Variants in RAD51B observed in about 807,000 individuals in gnomAD.
RAD51B encodes DNA repair protein RAD51 homolog 2.
A neutral mutation model predicts 42.2 loss-of-function variants in RAD51B; 38 were observed. The ratio of observed to expected loss-of-function variants is 0.90; its 90% CI spans 0.70 to 1.18. The LOEUF (loss-of-function observed/expected upper bound fraction) is 1.18, where lower values mean the gene tolerates loss of function less well. RAD51B is among the 50% of genes most tolerant of loss of function. The pLI, the probability that RAD51B is intolerant of heterozygous loss-of-function variation, is 0.00. For missense variants in RAD51B, 373 were observed against 400.7 expected, an observed-to-expected ratio of 0.93 and a Z score of 0.59; for synonymous variants, 154 against 145.2, an observed-to-expected ratio of 1.06 and a Z score of -0.43.
chr14:67,891,092 T>C lies in RAD51B; in HGVS notation c.756+3888T>C, dbSNP rs372357385. ...GAATTCAACAAATCAATTTCAGTTG[T>C]TATATGAATAATATTGAACTTTTTT... On this transcript the variant is annotated intron_variant, in intron 7 of 10. Coordinates refer to ENST00000471583, the MANE Select transcript of RAD51B (RefSeq NM_133510.4). Among the ~76,000 whole-genome samples the C allele has an allele frequency of 4.0e-4, 61 of 152,280 alleles. No homozygotes were observed. The East Asian group carries it at 8.3e-3, about 21-fold the overall frequency.
chr14:68,509,941 G>T (rs1477369336), intron 10 of RAD51B, among the ~76,000 whole-genome samples: 1 of 152,224 alleles, frequency 6.6e-6, no homozygotes, highest in Non-Finnish European at 1.5e-5. Flanking sequence ...ATTTGTTGAA[G>T]ATAGGTGAGT....
At chr14:68,563,600 T>C in intron 10 of RAD51B, 2 of 985,490 alleles carry the variant, frequency 2.0e-6, no homozygotes. Context: ...TGTGGTTTCC[T>C]GACAGCTGCC....
intron 8 of RAD51B, among the ~76,000 whole-genome samples, chr14:68,301,620 A>G (rs1465792221): frequency 9.2e-6 from 1 of 108,200 alleles, no homozygotes; most frequent in Non-Finnish European, 1.9e-5. Context: ...TTTTTGAGAC[A>G]TACTTTTACT....
intron 10 of RAD51B, among the ~76,000 whole-genome samples, chr14:68,641,479 A>G (rs1892458928): frequency 6.8e-6 from 1 of 146,284 alleles, no homozygotes; most frequent in South Asian, 2.3e-4. Context: ...TAGGACTTCC[A>G]GTATGATGTT....
At chr14:68,490,525 A>G (rs1883982336) in intron 10 of RAD51B, among the ~76,000 whole-genome samples, 1 of 152,242 alleles carries the variant, frequency 6.6e-6, no homozygotes, top group Non-Finnish European at 1.5e-5. Flanking sequence ...TCTAAGACAT[A>G]TTGCCCCATT....
chr14:67,955,588 CTT>C (rs2074531590), intron 7 of RAD51B, among the ~76,000 whole-genome samples: 1 of 152,142 alleles, frequency 6.6e-6, no homozygotes, highest in Admixed American at 6.5e-5. Flanking sequence ...AGATGTTTGA[CTT>C]AATTCAAGAA....
intron 9 of RAD51B, among the ~76,000 whole-genome samples, chr14:68,425,936 T>TTTTCTTTCTTTCTTTCTTTCTTCC (rs2084821625): frequency 1.4e-5 from 1 of 73,880 alleles, no homozygotes; most frequent in African/African-American, 4.3e-5. Flanking sequence ...AGGCCATTCT[T>TTTTCTTTCTTTCTTTCTTTCTTCC]TTTCTTTCTT....
chr14:68,075,241 C>G (rs1325494833), intron 7 of RAD51B, among the ~76,000 whole-genome samples: 2 of 152,148 alleles, frequency 1.3e-5, no homozygotes. Flanking sequence ...GGAAGAAAGA[C>G]AGGCCTCTTC....
intron 11 of RAD51B, among the ~76,000 whole-genome samples, chr14:68,673,389 A>G (rs578015542): frequency 7.9e-6 from 1 of 126,022 alleles, no homozygotes; most frequent in East Asian, 2.1e-4. Flanking sequence ...ACAAATATAT[A>G]CATGCACACA....
intron 9 of RAD51B, among the ~76,000 whole-genome samples, chr14:68,458,714 T>C (rs2085766481): frequency 6.6e-6 from 1 of 150,454 alleles, no homozygotes; most frequent in Non-Finnish European, 1.5e-5. Flanking sequence ...TTATTTATAT[T>C]ATATTTTTTA....
intron 10 of RAD51B, among the ~76,000 whole-genome samples, chr14:68,545,327 T>G (rs1888166558): frequency 6.6e-6 from 1 of 152,236 alleles, no homozygotes; most frequent in African/African-American, 2.4e-5. Context: ...TTCATGCTTC[T>G]TTTTTCCACC....
chr14:68,571,716 G>A (rs1889712382), intron 10 of RAD51B, among the ~76,000 whole-genome samples: 1 of 152,176 alleles, frequency 6.6e-6, no homozygotes, highest in African/African-American at 2.4e-5. Context: ...CACCTTTGAG[G>A]GGCCGTTATT....
chr14:68,333,971 T>C (rs2082398936), intron 8 of RAD51B, among the ~76,000 whole-genome samples: 1 of 152,236 alleles, frequency 6.6e-6, no homozygotes, highest in Non-Finnish European at 1.5e-5. Flanking sequence ...ACCATTCTAC[T>C]GTCTACTTCT....
intron 7 of RAD51B, among the ~76,000 whole-genome samples, chr14:68,136,272 A>G (rs1398411282): frequency 6.6e-6 from 1 of 152,202 alleles, no homozygotes; most frequent in African/African-American, 2.4e-5. Context: ...AGGGTCACAT[A>G]TGACAAATTA....
chr14:68,482,642 A>T (rs1268757522), downstream of RAD51B, among the ~76,000 whole-genome samples: 1 of 152,094 alleles, frequency 6.6e-6, no homozygotes, highest in African/African-American at 2.4e-5. Flanking sequence ...CTGTGAAAGG[A>T]CTTTCTTCAT....
intron 7 of RAD51B, among the ~76,000 whole-genome samples, chr14:67,951,875 T>G (rs929430311): frequency 3.3e-5 from 5 of 152,206 alleles, no homozygotes; most frequent in Non-Finnish European, 7.3e-5. Context: ...GAAATCATTT[T>G]CTAGCATATG....
chr14:68,460,370 C>T (rs1157382705), intron 9 of RAD51B, among the ~76,000 whole-genome samples: 10 of 152,066 alleles, frequency 6.6e-5, no homozygotes. Flanking sequence ...GGAGAATCAC[C>T]TGAACCTGTG....
intron 5 of RAD51B, among the ~76,000 whole-genome samples, chr14:67,869,296 C>G (rs1269269956): frequency 6.6e-6 from 1 of 152,104 alleles, no homozygotes; most frequent in Non-Finnish European, 1.5e-5. Context: ...AATGCAGAAG[C>G]CTCAGGAGCC....
chr14:68,546,914 G>A (rs1236001573), intron 10 of RAD51B, among the ~76,000 whole-genome samples: 2 of 152,218 alleles, frequency 1.3e-5, no homozygotes, highest in African/African-American at 4.8e-5. Context: ...AGTGAGAAGA[G>A]CAGAAACACC....
Sources: gnomAD v4.1 joint callset for allele counts (sites outside exome capture counted in the v4.1 genomes callset) on GRCh38, gnomAD v4.1.1 for gene constraint, MANE v1.5 for transcripts, NCBI Gene and HGNC (gene_info 2026-07-23, HGNC 2026-07-21) for gene names.